The following SPAG1 variants were observed in gnomAD, a reference collection of about 807,000 sequenced individuals.
The protein encoded by SPAG1 is sperm-associated antigen 1.
In SPAG1, 69 loss-of-function variants were observed where a neutral mutation model predicts 100.5. That is an observed-to-expected ratio of 0.69 (90% confidence interval 0.57 to 0.84). SPAG1 has a LOEUF of 0.84. Ranked by LOEUF, SPAG1 falls within the 40% of genes least tolerant of loss-of-function variation. The probability of loss-of-function intolerance (pLI) is 0.00; values close to 1 mark genes in which losing one functional copy is unlikely to be tolerated. For missense variants in SPAG1, 955 were observed against 1,133.1 expected (o/e 0.84, Z 2.26); for synonymous variants, 336 against 411.6 (o/e 0.82, Z 2.22).
chr8:100,163,663 G>A (rs926531874), intron 2 of SPAG1, among the ~76,000 whole-genome samples: 2 of 151,958 alleles, frequency 1.3e-5, no homozygotes, highest in Admixed American at 6.5e-5. Flanking sequence ...TTATCACTGG[G>A]TTCTTCCCTT....
chr8:100,193,906 T>C (rs1210955852), intron 9 of SPAG1, among the ~76,000 whole-genome samples: 2 of 152,182 alleles, frequency 1.3e-5, no homozygotes, highest in Non-Finnish European at 2.9e-5. Flanking sequence ...ATTTTTTCTT[T>C]ATTTTTTATA....
At chr8:100,176,612 G>A (rs756634188) in intron 3 of SPAG1, among the ~76,000 whole-genome samples, 56 of 152,232 alleles carry the variant, frequency 3.7e-4, no homozygotes, top group Admixed American at 8.5e-4. Context: ...TGATCTGCCC[G>A]CTTCGGCCTC....
At chr8:100,236,519 G>A (rs1315980142) in intron 16 of SPAG1, among the ~76,000 whole-genome samples, 1 of 152,158 alleles carries the variant, frequency 6.6e-6, no homozygotes, top group Non-Finnish European at 1.5e-5. Flanking sequence ...TTTGCCCAGG[G>A]TGACTGCAAT....
chr8:100,165,700 G>C, intron 2 of SPAG1, 114 bp from the exon 3 acceptor site: 1 of 699,560 alleles, frequency 1.4e-6, no homozygotes, highest in Non-Finnish European at 2.4e-6. Flanking sequence ...CTGGGAAGCA[G>C]CCCTTGAGAT....
At chr8:100,233,246 G>A (rs1417806471) in intron 15 of SPAG1, 165 bp from the exon 16 acceptor site, 1 of 684,918 alleles carries the variant, frequency 1.5e-6, no homozygotes, top group East Asian at 2.8e-5. Flanking sequence ...GTTTGCGGTT[G>A]TATGCCCAGT....
intron 10 of SPAG1, among the ~76,000 whole-genome samples, chr8:100,209,485 T>A (rs982932093): frequency 6.6e-6 from 1 of 150,778 alleles, no homozygotes; most frequent in Non-Finnish European, 1.5e-5. Context: ...TTTTTCAGGA[T>A]CTTTTTGGCT....
At chr8:100,231,327 A>C in intron 15 of SPAG1, 39 bp downstream of exon 15, 1 of 1,300,752 alleles carries the variant, frequency 7.7e-7, no homozygotes, top group Non-Finnish European at 1.1e-6. Context: ...TTATGTTAAT[A>C]GTTTTGATTA....
rs111647245 is a variant in SPAG1 at position 100,210,781 on chromosome 8, A to G, written c.1097-2309A>G. ...AGCAATCCTCCTGCCTCAGCCTGCC[A>G]GAGTGCTAGGATTATAGGGGTGAGC... On this transcript the variant is annotated intron_variant, in intron 10 of 18. Transcript: ENST00000388798. Among the ~76,000 whole-genome samples, 965 of 151,882 alleles carry G rather than the reference A, an allele frequency of 6.4e-3. 11 individuals are homozygous for G. The highest frequency in any genetic ancestry group is 0.022 in the African/African-American group (915 of 41,420).
At chr8:100,193,244 G>T in intron 9 of SPAG1, among the ~76,000 whole-genome samples, 1 of 152,160 alleles carries the variant, frequency 6.6e-6, no homozygotes, top group Non-Finnish European at 1.5e-5. Context: ...CAGATCACTT[G>T]ATCCCAGGAG....
At chr8:100,168,700 T>TTTTTTTTTTTTTTTTTG in intron 3 of SPAG1, among the ~76,000 whole-genome samples, 2 of 129,238 alleles carry the variant, frequency 1.5e-5, no homozygotes, top group South Asian at 2.4e-4. Flanking sequence ...TTTTTTTTTG[T>TTTTTTTTTTTTTTTTTG]TGTTGAGACA....
intron 12 of SPAG1, among the ~76,000 whole-genome samples, chr8:100,217,929 T>C (rs1007729886): frequency 2.0e-5 from 3 of 152,110 alleles, no homozygotes; most frequent in Non-Finnish European, 4.4e-5. Context: ...ATTACAGGTG[T>C]GCACCACCTA....
At chr8:100,208,316 A>G (rs1417325185) in intron 10 of SPAG1, among the ~76,000 whole-genome samples, 1 of 152,164 alleles carries the variant, frequency 6.6e-6, no homozygotes, top group Admixed American at 6.5e-5. Flanking sequence ...CTACTCCACA[A>G]TGGAGGTAAG....
At chr8:100,162,195 AAAG>A in intron 1 of SPAG1, 81 bp from the exon 2 acceptor site, 1 of 1,152,164 alleles carries the variant, frequency 8.7e-7, no homozygotes, top group Non-Finnish European at 1.2e-6. Flanking sequence ...AAAAAAATAC[AAAG>A]AAGTACCTAC....
intron 12 of SPAG1, among the ~76,000 whole-genome samples, chr8:100,219,912 A>G (rs1178737473): frequency 6.6e-6 from 1 of 152,236 alleles, no homozygotes; most frequent in African/African-American, 2.4e-5. Flanking sequence ...ATTATTAAAT[A>G]CATAGGTGCA....
At chr8:100,182,916 G>C (rs928124301) in intron 4 of SPAG1, among the ~76,000 whole-genome samples, 1 of 151,738 alleles carries the variant, frequency 6.6e-6, no homozygotes, top group Admixed American at 6.6e-5. Context: ...CTGTAATACT[G>C]AAGTTATTAT....
chr8:100,222,101 A>G (rs1818309685), intron 13 of SPAG1, among the ~76,000 whole-genome samples: 1 of 152,196 alleles, frequency 6.6e-6, no homozygotes, highest in African/African-American at 2.4e-5. Context: ...ACGGTGCGCC[A>G]TCTGCTGCCT....
At chr8:100,169,008 G>A (rs1815702414) in intron 3 of SPAG1, among the ~76,000 whole-genome samples, 1 of 151,794 alleles carries the variant, frequency 6.6e-6, no homozygotes, top group African/African-American at 2.4e-5. Flanking sequence ...TTTTTTAACA[G>A]TATCTTTGGA....
chr8:100,225,728 G>C (rs1818480587), intron 14 of SPAG1, among the ~76,000 whole-genome samples: 1 of 152,096 alleles, frequency 6.6e-6, no homozygotes, highest in Admixed American at 6.6e-5. Flanking sequence ...GCCTGCTTTG[G>C]CCTCCCAAAG....
At chr8:100,232,603 T>C (rs529319153) in intron 15 of SPAG1, among the ~76,000 whole-genome samples, 8 of 152,262 alleles carry the variant, frequency 5.3e-5, no homozygotes, top group African/African-American at 1.9e-4. Flanking sequence ...ACCATCCCCC[T>C]GTCATTCCCT....
Sources: allele counts gnomAD v4.1 joint callset (sites outside exome capture counted in the v4.1 genomes callset), GRCh38; gene constraint gnomAD v4.1.1; transcripts MANE v1.5; gene names NCBI Gene and HGNC (gene_info 2026-07-23, HGNC 2026-07-21).